ENTREP1: variants seen among roughly 807,000 people sequenced by gnomAD.
The protein encoded by ENTREP1 is endosomal transmembrane epsin interactor 1, also known as Friedreich ataxia region gene X123.
the ENTREP1 span, among the ~76,000 whole-genome samples, chr9:69,355,516 T>C: frequency 6.6e-6 from 1 of 152,210 alleles, no homozygotes; most frequent in Non-Finnish European, 1.5e-5. Context: ...AGTCTGGCTT[T>C]CATTCCACTG....
chr9:69,378,930 A>T, the ENTREP1 span, among the ~76,000 whole-genome samples: 1 of 152,170 alleles, frequency 6.6e-6, no homozygotes, highest in Non-Finnish European at 1.5e-5. Context: ...AATATTCAAA[A>T]GAGGGACTTT....
At chr9:69,381,388 C>A in the ENTREP1 span, 1 of 152,198 alleles carries the variant, frequency 6.6e-6, no homozygotes, top group East Asian at 1.9e-4. Flanking sequence ...ATTTGATCAA[C>A]TTTCCCAGTA....
At chr9:69,383,760 G>A in the ENTREP1 span, 7 of 1,614,144 alleles carry the variant, frequency 4.3e-6, no homozygotes, top group East Asian at 2.2e-5. Flanking sequence ...CCAGGAGCAG[G>A]TACTGTCTGT....
the ENTREP1 span, among the ~76,000 whole-genome samples, chr9:69,340,673 G>A: frequency 7.2e-6 from 1 of 139,694 alleles, no homozygotes; most frequent in Non-Finnish European, 1.6e-5. Context: ...GTGCGTGTGT[G>A]TGTGCATGCA....
chr9:69,391,633 G>A, the ENTREP1 span: 1 of 1,614,130 alleles, frequency 6.2e-7, no homozygotes, highest in Non-Finnish European at 8.5e-7. Context: ...GCACATCCAG[G>A]GCCCACAAGC....
At chr9:69,343,511 G>T in the ENTREP1 span, among the ~76,000 whole-genome samples, 1 of 152,126 alleles carries the variant, frequency 6.6e-6, no homozygotes, top group African/African-American at 2.4e-5. Flanking sequence ...CACCGTCGCA[G>T]CTCACTGCAG....
At chr9:69,355,687 C>T in the ENTREP1 span, among the ~76,000 whole-genome samples, 2 of 152,188 alleles carry the variant, frequency 1.3e-5, no homozygotes, top group Non-Finnish European at 2.9e-5. Flanking sequence ...TGGCGTCTCT[C>T]ATGTGATTGC....
the ENTREP1 span, chr9:69,386,446 C>G: frequency 4.4e-5 from 2 of 45,618 alleles, no homozygotes; most frequent in Non-Finnish European, 9.5e-5. Context: ...ACCTCTCTCT[C>G]TGTGTTGTTT....
At chr9:69,340,729 GTGTGTA>G in the ENTREP1 span, among the ~76,000 whole-genome samples, 5 of 136,124 alleles carry the variant, frequency 3.7e-5, no homozygotes, top group African/African-American at 8.6e-5. Context: ...ATGCATGTGT[GTGTGTA>G]TGTGTGTGTG....
chr9:69,371,397 A>AC, the ENTREP1 span: 1 of 897,196 alleles, frequency 1.1e-6, no homozygotes, highest in South Asian at 1.3e-5. Flanking sequence ...TTTTTAAAAA[A>AC]ATGTTCTCTT....
At chr9:69,330,069 G>A in the ENTREP1 span, among the ~76,000 whole-genome samples, 1 of 124,714 alleles carries the variant, frequency 8.0e-6, no homozygotes, top group African/African-American at 3.1e-5. Flanking sequence ...AGATTCCACT[G>A]GGGTATGGGA....
the ENTREP1 span, chr9:69,388,019 A>T: frequency 1.9e-6 from 3 of 1,564,292 alleles, no homozygotes; most frequent in Admixed American, 3.8e-5. Flanking sequence ...CTTCTGCAAG[A>T]TGAAAAGCAG....
the ENTREP1 span, among the ~76,000 whole-genome samples, chr9:69,362,746 G>A: frequency 6.6e-6 from 1 of 152,134 alleles, no homozygotes. Context: ...ATCTGGGTGG[G>A]CACCATCTAA....
the ENTREP1 span, among the ~76,000 whole-genome samples, chr9:69,369,292 C>CGTGT: frequency 6.6e-6 from 1 of 151,708 alleles, no homozygotes; most frequent in Admixed American, 6.6e-5. Flanking sequence ...AATAAACATA[C>CGTGT]GTGTGTGTGT....
the ENTREP1 span, chr9:69,380,006 G>A: frequency 6.6e-6 from 1 of 152,198 alleles, no homozygotes; most frequent in Non-Finnish European, 1.5e-5. Context: ...GCCAAATCCA[G>A]GTTGGAAGAA....
At chr9:69,359,136 C>T in the ENTREP1 span, among the ~76,000 whole-genome samples, 5 of 151,966 alleles carry the variant, frequency 3.3e-5, no homozygotes, top group African/African-American at 7.3e-5. Flanking sequence ...GATCTCCTGA[C>T]CTCAAGTGAC....
At chr9:69,350,228 T>C in the ENTREP1 span, among the ~76,000 whole-genome samples, 2 of 152,228 alleles carry the variant, frequency 1.3e-5, no homozygotes, top group African/African-American at 4.8e-5. Flanking sequence ...CTTAGGTCTT[T>C]CATTTTTTTG....
chr9:69,350,889 T>A, the ENTREP1 span, among the ~76,000 whole-genome samples: 6 of 152,210 alleles, frequency 3.9e-5, no homozygotes, highest in Non-Finnish European at 1.5e-5. Context: ...GCTTTTAAGA[T>A]CTTTTCTTTT....
the ENTREP1 span, among the ~76,000 whole-genome samples, chr9:69,351,467 A>G: frequency 6.6e-6 from 1 of 152,140 alleles, no homozygotes; most frequent in African/African-American, 2.4e-5. Context: ...CCCAGGCTAG[A>G]GTATAGTGGC....
Sources: allele counts gnomAD v4.1 joint callset (sites outside exome capture counted in the v4.1 genomes callset), GRCh38; gene constraint gnomAD v4.1.1; transcripts MANE v1.5; gene names NCBI Gene and HGNC (gene_info 2026-07-23, HGNC 2026-07-21).